Variants in TGFBR3 observed in about 807,000 individuals in gnomAD.
TGFBR3 encodes the protein transforming growth factor beta receptor 3, also known as transforming growth factor beta receptor type 3.
A neutral mutation model predicts 87.9 loss-of-function variants in TGFBR3; 46 were observed. That is an observed-to-expected ratio of 0.52 (90% CI 0.41 to 0.67). The LOEUF (loss-of-function observed/expected upper bound fraction) is 0.67. Ranked by LOEUF, TGFBR3 falls within the 30% of genes least tolerant of loss-of-function variation. TGFBR3 has a pLI of 0.00. For missense variants in TGFBR3, 866 were observed against 1,041.9 expected (o/e 0.83, Z 2.32); for synonymous variants, 381 against 391.6 (o/e 0.97, Z 0.32).
At chr1:91,720,453 C>T (rs927268228) in intron 8 of TGFBR3, among the ~76,000 whole-genome samples, 1 of 152,316 alleles carries the variant, frequency 6.6e-6, no homozygotes, top group East Asian at 1.9e-4. Flanking sequence ...CTTCTCTGTG[C>T]CTCAAATTTG....
At chr1:91,846,823 G>A (rs1677520381) in intron 2 of TGFBR3, among the ~76,000 whole-genome samples, 1 of 152,028 alleles carries the variant, frequency 6.6e-6, no homozygotes, top group Admixed American at 6.6e-5. Flanking sequence ...AGTCACGTGG[G>A]AAATCTATTT....
At chr1:91,867,819 C>T (rs987517466) in intron 1 of TGFBR3, among the ~76,000 whole-genome samples, 5 of 152,212 alleles carry the variant, frequency 3.3e-5, no homozygotes, top group Admixed American at 2.0e-4. Flanking sequence ...GCCCCTACCA[C>T]GCCCTCATCT....
At position 91,755,127 on chromosome 1, in the gene TGFBR3, A is replaced by G. The variant is rs184692633; in HGVS notation, c.384+3486T>C. 2.0e-5 allele frequency: 3 copies of G among 152,290 alleles called. No homozygotes were observed. In the East Asian group the frequency reaches 5.8e-4, roughly 29 times the overall value. The allele number at this position is 152,290 out of a possible 1,614,324, so 9.4% of individuals were successfully genotyped here. ...TCCAGAGATCCCGTGGGCCCTCTGA[A>G]GTGTTTGATGAACACTTTATATAAA... On this transcript the variant is annotated intron_variant, in intron 4 of 16. Transcript: ENST00000212355.
At position 91,766,639 on chromosome 1, in the gene TGFBR3, C is replaced by T. The variant is rs1557699816; in HGVS notation, c.247-7889G>A. On this transcript the variant is annotated intron_variant, in intron 3 of 16. Coordinates refer to ENST00000212355, the MANE Select transcript of TGFBR3 (RefSeq NM_003243.5). Reference sequence around the variant, plus strand: ...GTCCTCACTGGGTTAACAAGAATTCCGGACAGAAAATATAATTAAGCATTA... The same window carrying T: ...GTCCTCACTGGGTTAACAAGAATTCTGGACAGAAAATATAATTAAGCATTA... Among the ~76,000 whole-genome samples the T allele has an allele frequency of 6.8e-5, 9 of 133,062 alleles. 2 individuals are homozygous for T. The highest frequency in any genetic ancestry group is 6.1e-4 in the Admixed American group (8 of 13,156). The allele number at this position is 133,062 out of a possible 152,430, so 87.3% of individuals were successfully genotyped here. A position where few individuals can be genotyped will look rare whatever the true frequency, so the allele number is the denominator to read the frequency against.
At chr1:91,835,514 G>T (rs1211892049) in intron 2 of TGFBR3, among the ~76,000 whole-genome samples, 1 of 152,132 alleles carries the variant, frequency 6.6e-6, no homozygotes, top group Non-Finnish European at 1.5e-5. Context: ...AGTTTGACCA[G>T]ATAATCTCCA....
chr1:91,699,875 C>T (rs142630276), intron 14 of TGFBR3, among the ~76,000 whole-genome samples: 414 of 152,346 alleles, frequency 2.7e-3, no homozygotes, highest in Non-Finnish European at 4.5e-3. Context: ...TCATTATCCT[C>T]AGCAGTGAGG....
chr1:91,799,972 C>T (rs940536315), intron 2 of TGFBR3, among the ~76,000 whole-genome samples: 33 of 152,200 alleles, frequency 2.2e-4, no homozygotes, highest in African/African-American at 7.7e-4. Flanking sequence ...ACAGGGCAAA[C>T]ACCCTCTTTA....
intron 1 of TGFBR3, among the ~76,000 whole-genome samples, chr1:91,900,731 G>A (rs1457715253): frequency 6.6e-6 from 1 of 152,130 alleles, no homozygotes. Flanking sequence ...ATACTCTCTG[G>A]AAAATAGTTG....
chr1:91,742,629 C>CT (rs1472324334), intron 4 of TGFBR3, among the ~76,000 whole-genome samples: 1 of 152,340 alleles, frequency 6.6e-6, no homozygotes, highest in African/African-American at 2.4e-5. Context: ...ACCCAATCCT[C>CT]TAACATTCCC....
chr1:91,745,368 C>T (rs1215564170), intron 4 of TGFBR3, among the ~76,000 whole-genome samples: 1 of 152,204 alleles, frequency 6.6e-6, no homozygotes, highest in Non-Finnish European at 1.5e-5. Context: ...ACTGATATTT[C>T]AGAAACACCT....
Position 91,682,389 on chromosome 1 carries a change from T to C in TGFBR3, c.*1350A>G, listed in dbSNP as rs1043910228. The C allele has an allele frequency of 4.5e-6, 2 of 442,322 alleles. No individual in the cohort carries two copies. The highest frequency in any genetic ancestry group is 2.1e-5 in the African/African-American group (1 of 47,974). 27.4% of individuals were successfully genotyped at this position (442,322 alleles called of 1,614,324 possible). A position where few individuals can be genotyped will look rare whatever the true frequency, so the allele number is the denominator to read the frequency against. Reference sequence around the variant, plus strand: ...GCAGTAAAATAATTTAGCATGATAATTCCCCCCTGGCATTCTTTTTTTTTT... The same window carrying C: ...GCAGTAAAATAATTTAGCATGATAACTCCCCCCTGGCATTCTTTTTTTTTT... On this transcript the variant is annotated 3_prime_UTR_variant, in exon 17 of 17. Transcript: ENST00000212355.
At position 91,729,957 on chromosome 1, in the gene TGFBR3, T is replaced by C; in HGVS notation, c.585A>G (p.Pro195=). ...IKVGEDQVFP[P]KCNIGKNFLS... Reference sequence around the variant, plus strand: ...GAAAATTCTTCCCTATGTTGCACTTTGGAGGGAACACTTGATCTGAAAGAG... The same window carrying C: ...GAAAATTCTTCCCTATGTTGCACTTCGGAGGGAACACTTGATCTGAAAGAG... The change falls in exon 6 of 17, where the codon CCA becomes CCG. Residue 195 remains proline, a synonymous_variant. Transcript: ENST00000212355. 6.2e-7 allele frequency: 1 copy of C among 1,614,134 alleles called. No individual in the cohort carries two copies. Among genetic ancestry groups the C allele is most frequent in the South Asian group, 1.1e-5 (1 of 91,076 alleles).
At chr1:91,901,799 G>A (rs187917140) in intron 1 of TGFBR3, among the ~76,000 whole-genome samples, 2 of 151,536 alleles carry the variant, frequency 1.3e-5, no homozygotes, top group Non-Finnish European at 2.9e-5. Flanking sequence ...TCTAGTCCCA[G>A]CTACTCCAGA....
chr1:91,685,564 G>A (rs1012621488), intron 16 of TGFBR3, among the ~76,000 whole-genome samples: 5 of 151,946 alleles, frequency 3.3e-5, no homozygotes, highest in South Asian at 2.1e-4. Flanking sequence ...CCTCGTGATC[G>A]GCCCACCTTG....
intron 2 of TGFBR3, among the ~76,000 whole-genome samples, chr1:91,898,593 C>G (rs899232771): frequency 2.0e-5 from 3 of 152,084 alleles, no homozygotes; most frequent in Non-Finnish European, 4.4e-5. Flanking sequence ...CCCGCCACCA[C>G]GCCCAGCTAA....
intron 5 of TGFBR3, among the ~76,000 whole-genome samples, chr1:91,734,363 G>A (rs11466579): frequency 0.11 from 17,057 of 152,108 alleles, 1,121 homozygotes; most frequent in East Asian, 0.25. Context: ...GGCTTCAAAC[G>A]TTTGCAGAAC....
At chr1:91,695,550 G>T in intron 16 of TGFBR3, 122 bp downstream of exon 16, 2 of 867,552 alleles carry the variant, frequency 2.3e-6, no homozygotes, top group Middle Eastern at 2.2e-4. Context: ...ATATGTAAAT[G>T]TAAAAATAGT....
chr1:91,865,486 C>T (rs1349681161), intron 1 of TGFBR3, among the ~76,000 whole-genome samples: 1 of 151,964 alleles, frequency 6.6e-6, no homozygotes, highest in Non-Finnish European at 1.5e-5. Flanking sequence ...ATAGGGTACT[C>T]TGAGATCATG....
At chr1:91,768,320 T>G (rs1674254453) in intron 3 of TGFBR3, among the ~76,000 whole-genome samples, 1 of 152,224 alleles carries the variant, frequency 6.6e-6, no homozygotes, top group Non-Finnish European at 1.5e-5. Flanking sequence ...GTATTAACTT[T>G]GTACATATAA....
Sources: gnomAD v4.1 joint callset for allele counts (sites outside exome capture counted in the v4.1 genomes callset) on GRCh38, gnomAD v4.1.1 for gene constraint, MANE v1.5 for transcripts, NCBI Gene and HGNC (gene_info 2026-07-23, HGNC 2026-07-21) for gene names.